Variants in RNF214 observed in about 807,000 individuals in gnomAD.
RNF214 encodes the protein ring finger protein 214.
A neutral mutation model predicts 75.9 loss-of-function variants in RNF214; 25 were observed. That is an observed-to-expected ratio of 0.33 (90% CI 0.24 to 0.46). The LOEUF (loss-of-function observed/expected upper bound fraction) is 0.46. Ranked by LOEUF, RNF214 falls within the 20% of genes least tolerant of loss-of-function variation. RNF214 has a pLI of 1.00. For synonymous variants in RNF214, 314 were observed against 308.8 expected (o/e 1.02, Z -0.18); for missense variants, 725 against 857.5 (o/e 0.85, Z 1.93).
In RNF214 at chr11:117,239,098, A is replaced by C; in HGVS notation, c.605A>C (p.Asn202Thr). 1 of 1,609,056 alleles carries C rather than the reference A, an allele frequency of 6.2e-7. No homozygotes were observed. Among genetic ancestry groups the C allele is most frequent in the East Asian group, 2.2e-5 (1 of 44,814 alleles). The change falls in exon 3 of 15, where the codon AAC (asparagine) becomes ACC (threonine). Residue 202 changes from asparagine to threonine, a missense_variant. By Grantham distance (65) the Asn-to-Thr change is moderately conservative. Coordinates refer to ENST00000300650, the MANE Select transcript of RNF214 (RefSeq NM_207343.4). ...QDSSSLKLSQNIAVQTDFKTA... is the reference protein window; with the variant it reads ...QDSSSLKLSQTIAVQTDFKTA... ...AGCTCTTCCCTGAAGCTTTCTCAGA[A>C]CATTGCTGTACAGGTCAAGTGTCAA... is the stretch of plus-strand genomic sequence containing the variant.
In RNF214 at chr11:117,285,281, T is replaced by C. The variant is rs778127897; in HGVS notation, c.*130T>C. ...ATGTACATTTTTATTATATAGGTAATGTGTGTATAGAAAGTCTGTATTCCA... is the reference window on the plus strand; with the variant it reads ...ATGTACATTTTTATTATATAGGTAACGTGTGTATAGAAAGTCTGTATTCCA... On this transcript the variant is annotated 3_prime_UTR_variant, in exon 15 of 15. Coordinates refer to ENST00000300650, the MANE Select transcript of RNF214 (RefSeq NM_207343.4). The C allele has an allele frequency of 1.6e-6, 1 of 638,274 alleles. No homozygotes were observed. Among genetic ancestry groups the C allele is most frequent in the Non-Finnish European group, 2.8e-6 (1 of 357,164 alleles). 39.5% of individuals were successfully genotyped at this position (638,274 alleles called of 1,614,324 possible). A position where few individuals can be genotyped will look rare whatever the true frequency, so the allele number is the denominator to read the frequency against.
intron 4 of RNF214, among the ~76,000 whole-genome samples, chr11:117,241,039 G>A (rs773777159): frequency 6.6e-6 from 1 of 151,870 alleles, no homozygotes; most frequent in Non-Finnish European, 1.5e-5. Context: ...AATTAGCCAG[G>A]TGTGGTGGCG....
At chr11:117,247,228 A>G (rs2033247829) in intron 6 of RNF214, among the ~76,000 whole-genome samples, 2 of 152,160 alleles carry the variant, frequency 1.3e-5, no homozygotes, top group African/African-American at 4.8e-5. Flanking sequence ...AGCGGCTCAC[A>G]CCTATAATCC....
chr11:117,262,182 G>A (rs2033681468), intron 6 of RNF214, among the ~76,000 whole-genome samples: 1 of 151,570 alleles, frequency 6.6e-6, no homozygotes, highest in South Asian at 2.1e-4. Flanking sequence ...CGCCTCCCGG[G>A]TTCACACCAT....
intron 6 of RNF214, among the ~76,000 whole-genome samples, chr11:117,267,741 G>A (rs1002562934): frequency 5.5e-5 from 8 of 146,344 alleles, no homozygotes; most frequent in Admixed American, 4.8e-4. Context: ...AAAAAAAAAA[G>A]GCTTATTTTT....
In RNF214 at chr11:117,280,381, G is replaced by T. The variant is rs912219134; in HGVS notation, c.1145+122G>T. The stretch of plus-strand genomic sequence containing the variant: ...ATTCTATCTGCACAGGAATTGTAAG[G>T]CTATCTCTGTCTGCAGTAGCAATTG... On this transcript the variant is annotated intron_variant, in intron 8 of 14. Coordinates refer to ENST00000300650, the MANE Select transcript of RNF214 (RefSeq NM_207343.4). 2.1e-5 allele frequency: 15 copies of T among 721,510 alleles called. No individual in the cohort carries two copies. The East Asian group carries it at 3.2e-4, about 15-fold the overall frequency. The allele number at this position is 721,510 out of a possible 1,614,324, so 44.7% of individuals were successfully genotyped here.
intron 8 of RNF214, among the ~76,000 whole-genome samples, chr11:117,280,918 C>A (rs2034114051): frequency 6.7e-6 from 1 of 149,662 alleles, no homozygotes; most frequent in Non-Finnish European, 1.5e-5. Flanking sequence ...GCTCCCACCT[C>A]TTCTCAACGG....
At chr11:117,283,002 T>C (rs1352427200) in intron 13 of RNF214, 113 bp from the exon 14 acceptor site, 7 of 1,003,738 alleles carry the variant, frequency 7.0e-6, no homozygotes, top group Non-Finnish European at 9.1e-6. Context: ...AATCTATATT[T>C]GGATTTTTGT....
At chr11:117,235,066 A>G (rs1281381422) in intron 2 of RNF214, among the ~76,000 whole-genome samples, 1 of 152,266 alleles carries the variant, frequency 6.6e-6, no homozygotes, top group Non-Finnish European at 1.5e-5. Context: ...AACAACTAAT[A>G]CAATGTAAAT....
At chr11:117,272,615 T>G (rs2033936528) in intron 6 of RNF214, among the ~76,000 whole-genome samples, 2 of 152,094 alleles carry the variant, frequency 1.3e-5, no homozygotes, top group African/African-American at 4.8e-5. Context: ...TAAAATTTTT[T>G]TTTTTTTTTT....
chr11:117,238,866 C>T lies in RNF214; in HGVS notation c.373C>T (p.Arg125Trp), dbSNP rs374761866. ...TAGEEGDTSL[R>W]ESLHPVTRSL... ...AGGAGAGGAGGGGGACACAAGCCTTCGGGAGAGCCTCCATCCAGTCACTCG... is the reference window on the plus strand; with the variant it reads ...AGGAGAGGAGGGGGACACAAGCCTTTGGGAGAGCCTCCATCCAGTCACTCG... The change falls in exon 3 of 15, where the codon CGG (arginine) becomes TGG (tryptophan). Residue 125 changes from arginine to tryptophan, a missense_variant. By Grantham distance (101) the Arg-to-Trp change is moderately radical. Coordinates refer to ENST00000300650, the MANE Select transcript of RNF214 (RefSeq NM_207343.4). 11 of 1,614,046 alleles carry T rather than the reference C, an allele frequency of 6.8e-6. No individual in the cohort carries two copies. The highest frequency in any genetic ancestry group is 4.0e-5 in the African/African-American group (3 of 74,904).
In RNF214 at chr11:117,244,500, A is replaced by G. The variant is rs201991200; in HGVS notation, c.734A>G (p.Asp245Gly). 16 of 1,613,376 alleles carry G rather than the reference A, an allele frequency of 9.9e-6. No homozygotes were observed. Among genetic ancestry groups the G allele is most frequent in the Non-Finnish European group, 1.4e-5 (16 of 1,179,462 alleles). ...AAAGAGCGTTACCAGGAGGTCCTGG[A>G]CAAACAGAGGCAAGTGGAGAATCAG... is the stretch of plus-strand genomic sequence containing the variant. ...LLKERYQEVL[D>G]KQRQVENQLQ... Residue 245 changes from aspartate to glycine, a missense_variant, in exon 5 of 15, where the codon GAC becomes GGC. This residue lies in a region of RNF214 where 362 missense variants were observed against 344.5 expected (regional missense o/e 1.05). Coordinates refer to ENST00000300650, the MANE Select transcript of RNF214 (RefSeq NM_207343.4).
At chr11:117,281,755 G>C in intron 10 of RNF214, 57 bp downstream of exon 10, 1 of 1,503,584 alleles carries the variant, frequency 6.7e-7, no homozygotes, top group Non-Finnish European at 9.2e-7. Flanking sequence ...CAGCAGCAGA[G>C]TCTTCTGCGT....
At chr11:117,251,385 C>G (rs1341179134) in intron 6 of RNF214, among the ~76,000 whole-genome samples, 1 of 133,016 alleles carries the variant, frequency 7.5e-6, no homozygotes. Context: ...GGGGGCTGAC[C>G]CCCCCACCTC....
chr11:117,264,450 A>G (rs1383152320), intron 6 of RNF214, among the ~76,000 whole-genome samples: 3 of 152,180 alleles, frequency 2.0e-5, no homozygotes, highest in African/African-American at 4.8e-5. Flanking sequence ...TCAAAGGGGT[A>G]TATTTTGGAA....
At chr11:117,253,159 T>G (rs1185546865) in intron 6 of RNF214, among the ~76,000 whole-genome samples, 2 of 152,160 alleles carry the variant, frequency 1.3e-5, no homozygotes, top group Non-Finnish European at 2.9e-5. Context: ...ACTACAGGTG[T>G]GCACCACCAT....
At chr11:117,241,578 CA>C (rs201566240) in intron 4 of RNF214, among the ~76,000 whole-genome samples, 6,712 of 102,826 alleles carry the variant, frequency 0.065, 272 homozygotes, top group East Asian at 0.28. Flanking sequence ...GAATCTGTCT[CA>C]AAAAAAAAAA....
intron 6 of RNF214, among the ~76,000 whole-genome samples, chr11:117,253,188 G>A (rs1394475414): frequency 6.6e-6 from 1 of 152,024 alleles, no homozygotes; most frequent in Non-Finnish European, 1.5e-5. Flanking sequence ...AAGTTTTTCT[G>A]TTTTGTAGAG....
In RNF214 at chr11:117,238,800, A is replaced by C. The variant is rs1293787110; in HGVS notation, c.307A>C (p.Ser103Arg). 1.2e-6 allele frequency: 2 copies of C among 1,614,214 alleles called. No homozygotes were observed. Among genetic ancestry groups the C allele is most frequent in the Non-Finnish European group, 8.5e-7 (1 of 1,180,032 alleles). ...LIATALCLSG[S>R]GSQSDLKDVA... ...AGCCACAGCCCTTTGTCTTTCTGGC[A>C]GTGGGTCTCAGTCTGATTTGAAGGA... The change falls in exon 3 of 15, where the codon AGT becomes CGT. Residue 103 changes from serine (S) to arginine (R), a missense_variant. Physicochemically the swap from Ser to Arg is moderately radical, Grantham distance 110 (BLOSUM62 -1). Coordinates refer to ENST00000300650, the MANE Select transcript of RNF214 (RefSeq NM_207343.4).
Sources: allele counts gnomAD v4.1 joint callset (sites outside exome capture counted in the v4.1 genomes callset), GRCh38; gene constraint gnomAD v4.1.1; regional missense constraint gnomAD v4.1.1; transcripts MANE v1.5; gene names NCBI Gene and HGNC (gene_info 2026-07-23, HGNC 2026-07-21).